The following ABCA13 variants were observed in gnomAD, a reference collection of about 807,000 sequenced individuals.
The protein encoded by ABCA13 is ATP binding cassette subfamily A member 13.
In ABCA13, 476 loss-of-function variants were observed where a neutral mutation model predicts 478.7. The observed-to-expected ratio is 0.99, with a 90% CI of 0.92 to 1.07. The LOEUF (loss-of-function observed/expected upper bound fraction) is 1.07. ABCA13 is among the 50% of genes least tolerant of loss of function. The probability of loss-of-function intolerance (pLI) is 0.00; values close to 1 mark genes in which losing one functional copy is unlikely to be tolerated. For missense variants in ABCA13, 6,060 were observed against 5,910.6 expected, an observed-to-expected ratio of 1.03 and a Z score of -0.83; for synonymous variants, 2,252 against 2,158.9, an observed-to-expected ratio of 1.04 and a Z score of -1.20.
intron 45 of ABCA13, among the ~76,000 whole-genome samples, chr7:48,476,149 G>T (rs1828067604): frequency 6.6e-6 from 1 of 152,194 alleles, no homozygotes; most frequent in Admixed American, 6.5e-5. Flanking sequence ...AAATTAAGGT[G>T]TCTGAAGACT....
In ABCA13 at chr7:48,538,072, T is replaced by C. The variant is rs77977966; in HGVS notation, c.14354+9727T>C. On this transcript the variant is annotated intron_variant, in intron 55 of 61. Transcript: ENST00000435803. Reference sequence around the variant, plus strand: ...TAGAAGGCTTTTTTTCAGATACTCATTATCTTATTTTTTTCTTTCTTTCTT... The same window carrying C: ...TAGAAGGCTTTTTTTCAGATACTCACTATCTTATTTTTTTCTTTCTTTCTT... 4.6e-3 allele frequency among the ~76,000 whole-genome samples: 690 copies of C among 151,640 alleles called. 4 individuals are homozygous for C. The highest frequency in any genetic ancestry group is 0.016 in the African/African-American group (650 of 41,346).
At chr7:48,380,967 C>T (rs558871983) in intron 35 of ABCA13, among the ~76,000 whole-genome samples, 9 of 152,294 alleles carry the variant, frequency 5.9e-5, no homozygotes, top group Admixed American at 2.6e-4. Context: ...GACTCTCTCC[C>T]GAAGAGCCTG....
In ABCA13 at chr7:48,273,014, G is replaced by A. The variant is rs773431827; in HGVS notation, c.3348G>A (p.Glu1116=). The A allele has an allele frequency of 6.2e-7, 1 of 1,613,608 alleles. No homozygotes were observed. Among genetic ancestry groups the A allele is most frequent in the Non-Finnish European group, 8.5e-7 (1 of 1,179,724 alleles). ...CTTCCGTAAATTATTCAACAAGTGAGGAGTCTTCATTTGTTTTTCCATTGG... is the reference window on the plus strand; with the variant it reads ...CTTCCGTAAATTATTCAACAAGTGAAGAGTCTTCATTTGTTTTTCCATTGG... ...HISSVNYSTS[E]ESSFVFPLAQ... Residue 1116 remains glutamate (E), a synonymous_variant, in exon 17 of 62, where the codon GAG becomes GAA. Coordinates refer to ENST00000435803, the MANE Select transcript of ABCA13 (RefSeq NM_152701.5).
chr7:48,526,521 A>G (rs902731118), intron 54 of ABCA13, among the ~76,000 whole-genome samples: 2 of 152,186 alleles, frequency 1.3e-5, no homozygotes, highest in African/African-American at 2.4e-5. Context: ...TTGTTTAACA[A>G]TGGGGATATT....
rs572301084 is a variant in ABCA13, at chr7:48,315,580, C to T, written c.9859+1171C>T. ...CCACAAGCTCCGCCTCCCAGGTTCA[C>T]GCCATTCTCCTGCCTCAGCCTCCCG... On this transcript the variant is annotated intron_variant, in intron 26 of 61. Transcript: ENST00000435803. Among the ~76,000 whole-genome samples the T allele has an allele frequency of 6.6e-5, 10 of 151,994 alleles. No homozygotes were observed. The East Asian group carries it at 1.6e-3, about 24-fold the overall frequency.
At chr7:48,356,463 G>C (rs75230789) in intron 31 of ABCA13, among the ~76,000 whole-genome samples, 1 of 151,354 alleles carries the variant, frequency 6.6e-6, no homozygotes, top group Admixed American at 6.6e-5. Context: ...GTGTATAAAC[G>C]GGGGGGACAG....
At position 48,281,404 on chromosome 7, in the gene ABCA13, C is replaced by A; in HGVS notation, c.8788C>A (p.Leu2930Met). 6.2e-7 allele frequency: 1 copy of A among 1,609,362 alleles called. No homozygotes were observed. The highest frequency in any genetic ancestry group is 8.5e-7 in the Non-Finnish European group (1 of 1,177,910). ...GAAGCCCTCAGAAGCCATGGAGATG[C>A]TGCAGAAAGTGAAGATGATGGTCGT... The part of the protein sequence containing the change: ...TVKPSEAMEM[L>M]QKVKMMVVRV... The change falls in exon 19 of 62, where the codon CTG (leucine) becomes ATG (methionine). Residue 2930 changes from leucine to methionine, a missense_variant. By Grantham distance (15) the Leu-to-Met change is conservative. Transcript: ENST00000435803.
intron 48 of ABCA13, among the ~76,000 whole-genome samples, chr7:48,503,232 G>A (rs1830912344): frequency 6.6e-6 from 1 of 152,120 alleles, no homozygotes; most frequent in South Asian, 2.1e-4. Context: ...CACTACAGTT[G>A]CATGCCACCA....
intron 42 of ABCA13, among the ~76,000 whole-genome samples, chr7:48,429,656 T>G (rs774076101): frequency 3.9e-5 from 6 of 152,232 alleles, no homozygotes; most frequent in Non-Finnish European, 8.8e-5. Flanking sequence ...GAAGAATTTC[T>G]AATTATGGAA....
At chr7:48,451,579 T>C (rs138362853) in intron 42 of ABCA13, among the ~76,000 whole-genome samples, 11 of 152,326 alleles carry the variant, frequency 7.2e-5, no homozygotes, top group African/African-American at 2.6e-4. Flanking sequence ...TTGGCTATTT[T>C]GTAAATCTTT....
intron 3 of ABCA13, among the ~76,000 whole-genome samples, chr7:48,216,445 C>G (rs1263205742): frequency 6.6e-6 from 1 of 151,944 alleles, no homozygotes; most frequent in Non-Finnish European, 1.5e-5. Flanking sequence ...GATTATTTGT[C>G]TTTTTATTAT....
At chr7:48,276,663 T>C (rs1249576639) in intron 17 of ABCA13, 98 bp downstream of exon 17, 1 of 899,782 alleles carries the variant, frequency 1.1e-6, no homozygotes, top group Non-Finnish European at 1.7e-6. Context: ...AGTATTTGTA[T>C]CTAATACCTT....
At chr7:48,329,295 A>G (rs1804829444) in intron 27 of ABCA13, among the ~76,000 whole-genome samples, 2 of 152,184 alleles carry the variant, frequency 1.3e-5, no homozygotes, top group Non-Finnish European at 2.9e-5. Flanking sequence ...AACCCTTTTG[A>G]AGGCTTGGAA....
At chr7:48,200,951 C>T (rs1208942354) in intron 3 of ABCA13, among the ~76,000 whole-genome samples, 1 of 152,090 alleles carries the variant, frequency 6.6e-6, no homozygotes, top group African/African-American at 2.4e-5. Flanking sequence ...CACCACCTGG[C>T]AGGTACCCCA....
intron 55 of ABCA13, among the ~76,000 whole-genome samples, chr7:48,554,903 T>C (rs566190807): frequency 4.4e-4 from 66 of 151,362 alleles, no homozygotes; most frequent in African/African-American, 1.5e-3. Context: ...GGTGAAGGTG[T>C]CCTTGTTGTG....
intron 31 of ABCA13, among the ~76,000 whole-genome samples, chr7:48,354,361 G>A (rs1292200043): frequency 6.6e-6 from 1 of 151,970 alleles, no homozygotes; most frequent in Non-Finnish European, 1.5e-5. Flanking sequence ...GGCACGATGG[G>A]AAGAACAGCA....
intron 55 of ABCA13, among the ~76,000 whole-genome samples, chr7:48,559,696 C>T (rs940523773): frequency 6.6e-6 from 1 of 152,138 alleles, no homozygotes; most frequent in African/African-American, 2.4e-5. Context: ...GGCATATTAC[C>T]TGGGTATCAC....
chr7:48,524,352 T>C lies in ABCA13; in HGVS notation c.14156T>C (p.Val4719Ala), dbSNP rs1480585990. Residue 4719 changes from valine (V) to alanine (A), a missense_variant, in exon 54 of 62, where the codon GTG becomes GCG. Around this residue, in one of 3 missense-constraint regions of ABCA13, gnomAD observed 1,627 missense variants for 1,571.0 expected, o/e 1.04. Transcript: ENST00000435803. ...FEGRTNGDILVLYNLSKHYRR... is the reference protein window; with the variant it reads ...FEGRTNGDILALYNLSKHYRR... ...GGAAGGACCAATGGAGACATTCTTG[T>C]GTTATACAACCTTAGTAAACATTAT... The C allele has an allele frequency of 1.2e-6, 2 of 1,613,346 alleles. No individual in the cohort carries two copies. Among genetic ancestry groups the C allele is most frequent in the Admixed American group, 3.3e-5 (2 of 59,942 alleles).
Position 48,253,664 on chromosome 7 carries a change from T to G in ABCA13, c.2005+4313T>G, listed in dbSNP as rs888633442. Among the ~76,000 whole-genome samples the G allele has an allele frequency of 2.6e-5, 4 of 152,122 alleles. No homozygotes were observed. In the East Asian group the frequency reaches 7.7e-4, roughly 29 times the overall value. ...CAGCACCTGGCTAATTTGTATTTCT[T>G]GCACAAGTGGGGTTTCGCCATGTTG... On this transcript the variant is annotated intron_variant, in intron 15 of 61. Coordinates refer to ENST00000435803, the MANE Select transcript of ABCA13 (RefSeq NM_152701.5).
Sources: gnomAD v4.1 joint callset for allele counts (sites outside exome capture counted in the v4.1 genomes callset) on GRCh38, gnomAD v4.1.1 for gene constraint, gnomAD v4.1.1 regional missense constraint, MANE v1.5 for transcripts, NCBI Gene and HGNC (gene_info 2026-07-23, HGNC 2026-07-21) for gene names.